The following IL1RAPL1 variants were observed in gnomAD, a reference collection of about 807,000 sequenced individuals.
IL1RAPL1 encodes the protein interleukin 1 receptor accessory protein like 1.
IL1RAPL1 carries 3 observed loss-of-function variants against 48.4 expected under a neutral mutation model. The ratio of observed to expected loss-of-function variants is 0.06; its 90% CI spans 0.03 to 0.16. IL1RAPL1 has a LOEUF of 0.16. IL1RAPL1 is among the 10% of genes least tolerant of loss of function. The probability of loss-of-function intolerance (pLI) is 1.00; values close to 1 mark genes in which losing one functional copy is unlikely to be tolerated. For synonymous variants in IL1RAPL1, 185 were observed against 187.7 expected (o/e 0.99, Z 0.12); for missense variants, 349 against 530.6 (o/e 0.66, Z 3.36).
chrX:29,263,547 A>G (rs1439774751), intron 2 of IL1RAPL1, among the ~76,000 whole-genome samples: 1 of 112,171 alleles, frequency 8.9e-6, no homozygotes, highest in African/African-American at 3.2e-5. Flanking sequence ...AAGTATATCC[A>G]GGCATGCTGT....
At chrX:29,368,591 T>A (rs1286103173) in intron 3 of IL1RAPL1, among the ~76,000 whole-genome samples, 1 of 79,984 alleles carries the variant, frequency 1.3e-5, no homozygotes, top group African/African-American at 7.0e-5. Context: ...TTTTTCTTTC[T>A]TTTTTTTTTT....
At chrX:29,792,558 G>T (rs970851878) in intron 6 of IL1RAPL1, among the ~76,000 whole-genome samples, 1 of 111,055 alleles carries the variant, frequency 9.0e-6, no homozygotes, top group Non-Finnish European at 1.9e-5. Context: ...AAGGTCTGAG[G>T]ATCTTAAAAG....
chrX:28,650,523 C>T (rs7053985), intron 1 of IL1RAPL1, among the ~76,000 whole-genome samples: 27 of 111,174 alleles, frequency 2.4e-4, no homozygotes, highest in Non-Finnish European at 4.3e-4. Context: ...CATGTCCCTC[C>T]GACAACGTGG....
intron 5 of IL1RAPL1, 130 bp from the exon 6 acceptor site, chrX:29,668,300 G>A (rs774363965): frequency 3.5e-6 from 2 of 566,431 alleles, no homozygotes; most frequent in South Asian, 2.5e-5. Flanking sequence ...TATGTTCATC[G>A]TTACTTGGTA....
intron 6 of IL1RAPL1, among the ~76,000 whole-genome samples, chrX:29,914,794 GA>G (rs1037044350): frequency 1.2e-4 from 13 of 112,437 alleles, no homozygotes; most frequent in African/African-American, 4.2e-4. Flanking sequence ...ACTTGCCGTA[GA>G]AATCTGCAAT....
At chrX:29,334,582 T>C (rs1602178595) in intron 3 of IL1RAPL1, among the ~76,000 whole-genome samples, 1 of 97,658 alleles carries the variant, frequency 1.0e-5, no homozygotes, top group Non-Finnish European at 2.0e-5. Context: ...AGGCAGAGGG[T>C]TTCCTCACTT....
intron 2 of IL1RAPL1, among the ~76,000 whole-genome samples, chrX:29,260,157 G>A (rs1345943520): frequency 1.8e-5 from 2 of 111,904 alleles, no homozygotes; most frequent in Non-Finnish European, 3.8e-5. Context: ...TAAATGTTGG[G>A]GATAATTTAT....
chrX:29,418,977 T>G (rs1934257772), intron 5 of IL1RAPL1, among the ~76,000 whole-genome samples: 1 of 112,361 alleles, frequency 8.9e-6, no homozygotes, highest in African/African-American at 3.2e-5. Flanking sequence ...AGCAATAATT[T>G]TATACTTTCG....
intron 2 of IL1RAPL1, among the ~76,000 whole-genome samples, chrX:28,870,577 A>G (rs1399084578): frequency 1.8e-5 from 2 of 111,888 alleles, no homozygotes; most frequent in Non-Finnish European, 3.8e-5. Context: ...CCCCTATGGT[A>G]ACACATGGAA....
intron 5 of IL1RAPL1, among the ~76,000 whole-genome samples, chrX:29,611,646 A>G (rs1296544946): frequency 1.8e-5 from 2 of 111,468 alleles, no homozygotes; most frequent in Middle Eastern, 4.6e-3. Context: ...TCTTTTCTCA[A>G]CAGTGTTAAA....
intron 5 of IL1RAPL1, among the ~76,000 whole-genome samples, chrX:29,550,986 C>T (rs1921797729): frequency 8.9e-6 from 1 of 111,954 alleles, no homozygotes; most frequent in African/African-American, 3.3e-5. Context: ...TCCTTCTAGC[C>T]CCAGGCAACA....
chrX:29,578,870 A>C (rs1389225118), intron 5 of IL1RAPL1, among the ~76,000 whole-genome samples: 1 of 111,959 alleles, frequency 8.9e-6, no homozygotes, highest in African/African-American at 3.3e-5. Context: ...TTGTAGCTTA[A>C]AACAACTATT....
At position 28,916,692 on chromosome X, in the gene IL1RAPL1, T is replaced by C. The variant is rs142680988; in HGVS notation, c.82+127267T>C. 3.5e-3 allele frequency among the ~76,000 whole-genome samples: 398 copies of C among 112,133 alleles called. 4 individuals carry two copies. Among genetic ancestry groups the C allele is most frequent in the African/African-American group, 0.012 (381 of 30,915 alleles). Reference sequence around the variant, plus strand: ...CCACCAGATTATCAGAGGATGCCCATGCAGCTGGTCATTGGAGCAAACTTG... The same window carrying C: ...CCACCAGATTATCAGAGGATGCCCACGCAGCTGGTCATTGGAGCAAACTTG... On this transcript the variant is annotated intron_variant, in intron 2 of 10. Coordinates refer to ENST00000378993, the MANE Select transcript of IL1RAPL1 (RefSeq NM_014271.4).
chrX:28,630,198 C>T (rs1159578825), intron 1 of IL1RAPL1, among the ~76,000 whole-genome samples: 4 of 110,700 alleles, frequency 3.6e-5, no homozygotes, highest in African/African-American at 1.3e-4. Context: ...TTGTTTGTTT[C>T]ATTTGTCCTC....
At chrX:29,840,111 C>T (rs915684369) in intron 6 of IL1RAPL1, among the ~76,000 whole-genome samples, 12 of 111,522 alleles carry the variant, frequency 1.1e-4, no homozygotes, top group Admixed American at 2.9e-4. Context: ...TCCAAAGTGT[C>T]GATTATGGCC....
intron 2 of IL1RAPL1, among the ~76,000 whole-genome samples, chrX:29,257,004 C>T (rs1386251226): frequency 9.0e-6 from 1 of 111,218 alleles, no homozygotes; most frequent in Non-Finnish European, 1.9e-5. Flanking sequence ...ACCCTGTTTT[C>T]TTACCTCCTC....
At chrX:29,525,984 A>C (rs1407864882) in intron 5 of IL1RAPL1, among the ~76,000 whole-genome samples, 1 of 111,892 alleles carries the variant, frequency 8.9e-6, no homozygotes, top group Admixed American at 9.5e-5. Flanking sequence ...ATGGGAGTTC[A>C]GAGTGTCATT....
intron 6 of IL1RAPL1, among the ~76,000 whole-genome samples, chrX:29,880,379 GTTTC>G (rs1243304956): frequency 8.9e-6 from 1 of 111,967 alleles, no homozygotes; most frequent in East Asian, 2.8e-4. Context: ...TCCAGAGTAA[GTTTC>G]TTTCTGTGTT....
At chrX:29,677,814 T>C (rs1926328027) in intron 6 of IL1RAPL1, among the ~76,000 whole-genome samples, 1 of 112,233 alleles carries the variant, frequency 8.9e-6, no homozygotes, top group Non-Finnish European at 1.9e-5. Flanking sequence ...TGAAAATATA[T>C]TTTGTAGGGT....
Sources: allele counts gnomAD v4.1 joint callset (sites outside exome capture counted in the v4.1 genomes callset), GRCh38; gene constraint gnomAD v4.1.1; transcripts MANE v1.5; gene names NCBI Gene and HGNC (gene_info 2026-07-23, HGNC 2026-07-21).